Variants in LYVE1 observed in about 807,000 individuals in gnomAD.
LYVE1 encodes lymphatic vessel endothelial hyaluronan receptor 1, also known as lymphatic vessel endothelial hyaluronic acid receptor 1.
A neutral mutation model predicts 31.5 loss-of-function variants in LYVE1; 29 were observed. The observed-to-expected ratio is 0.92, with a 90% confidence interval of 0.69 to 1.26. The LOEUF is 1.26. Among genes scored for constraint, LYVE1 ranks in the 50% most tolerant of loss-of-function variants. The pLI is 0.00. For missense variants in LYVE1, 376 were observed against 380.2 expected (o/e 0.99, Z 0.09); for synonymous variants, 134 against 139.4 (o/e 0.96, Z 0.27).
At position 10,564,090 on chromosome 11, in the gene LYVE1, A is replaced by G; in HGVS notation, c.258-11T>C. On this transcript the variant is annotated splice_polypyrimidine_tract_variant and intron_variant, in intron 2 of 5. Coordinates refer to ENST00000256178, the MANE Select transcript of LYVE1 (RefSeq NM_006691.4). ...CCAACCCAGCCATAGCTGTAAAAGA[A>G]TACACACTAGTTGAACAGAAAAATG... is the stretch of plus-strand genomic sequence containing the variant. The G allele has an allele frequency of 6.2e-7, 1 of 1,614,222 alleles. No individual in the cohort carries two copies.
At chr11:10,566,108 C>A (rs1308160310) in intron 1 of LYVE1, among the ~76,000 whole-genome samples, 2 of 151,452 alleles carry the variant, frequency 1.3e-5, no homozygotes, top group Admixed American at 6.6e-5. Flanking sequence ...CTGTGCCTGG[C>A]CCTTTTTTTT....
intron 1 of LYVE1, among the ~76,000 whole-genome samples, chr11:10,564,637 C>A (rs1280545736): frequency 6.6e-6 from 1 of 152,188 alleles, no homozygotes; most frequent in African/African-American, 2.4e-5. Context: ...CCTTGCTCAC[C>A]ATATAGGGGC....
In LYVE1 at chr11:10,559,002, G is replaced by T; in HGVS notation, c.*109C>A. The stretch of plus-strand genomic sequence containing the variant: ...GAGCTGATTCCAGTTAGGAACCAAG[G>T]GTGGACTTTCTTCTTTGGTTCTTTG... On this transcript the variant is annotated 3_prime_UTR_variant, in exon 6 of 6. Transcript: ENST00000256178. The T allele has an allele frequency of 1.0e-6, 1 of 999,618 alleles. No individual in the cohort carries two copies. Among genetic ancestry groups the T allele is most frequent in the Non-Finnish European group, 1.5e-6 (1 of 664,098 alleles). 61.9% of individuals were successfully genotyped at this position (999,618 alleles called of 1,614,324 possible). A position where few individuals can be genotyped will look rare whatever the true frequency, so the allele number is the denominator to read the frequency against.
Position 10,557,131 on chromosome 11 carries a change from C to G in LYVE1, c.*1980G>C, listed in dbSNP as rs1439867089. On this transcript the variant is annotated 3_prime_UTR_variant, in exon 6 of 6. Transcript: ENST00000256178. ...AGGTGATATATATGAGGGACGTGGGCTGGGTGTGAAGAAAAGGCCACAGTG... is the reference window on the plus strand; with the variant it reads ...AGGTGATATATATGAGGGACGTGGGGTGGGTGTGAAGAAAAGGCCACAGTG... The G allele has an allele frequency of 6.6e-6, 1 of 152,020 alleles. No individual in the cohort carries two copies. The highest frequency in any genetic ancestry group is 1.5e-5 in the Non-Finnish European group (1 of 68,028). 9.4% of individuals were successfully genotyped at this position (152,020 alleles called of 1,614,324 possible).
intron 4 of LYVE1, 25 bp from the exon 5 acceptor site, chr11:10,559,919 G>A (rs1389444842): frequency 8.4e-6 from 13 of 1,542,390 alleles, no homozygotes; most frequent in Non-Finnish European, 1.2e-5. Flanking sequence ...GACAAGGCCT[G>A]TTGGTCCTTC....
chr11:10,557,630 T>C lies in LYVE1; in HGVS notation c.*1481A>G, dbSNP rs1156504257. On this transcript the variant is annotated 3_prime_UTR_variant, in exon 6 of 6. Transcript: ENST00000256178. ...TGGTGAATTCTGAAATGGATGGAAATGGAGGGCCAGCATCTCTAGTAAAGG... is the reference window on the plus strand; with the variant it reads ...TGGTGAATTCTGAAATGGATGGAAACGGAGGGCCAGCATCTCTAGTAAAGG... 1 of 152,164 alleles carries C rather than the reference T, an allele frequency of 6.6e-6. No homozygotes were observed. The allele number at this position is 152,164 out of a possible 1,614,324, so 9.4% of individuals were successfully genotyped here. A position where few individuals can be genotyped will look rare whatever the true frequency, so the allele number is the denominator to read the frequency against.
chr11:10,559,773 C>G (rs1375447933), intron 5 of LYVE1, 43 bp downstream of exon 5: 1 of 1,567,852 alleles, frequency 6.4e-7, no homozygotes, highest in African/African-American at 1.4e-5. Flanking sequence ...AGGATAGAAA[C>G]ATGACAAAGA....
At position 10,558,879 on chromosome 11, in the gene LYVE1, G is replaced by A. The variant is rs965423708; in HGVS notation, c.*232C>T. On this transcript the variant is annotated 3_prime_UTR_variant, in exon 6 of 6. Coordinates refer to ENST00000256178, the MANE Select transcript of LYVE1 (RefSeq NM_006691.4). Reference sequence around the variant, plus strand: ...AGGACATAGCCAGGCTAGAAAGGCCGTGGGAAGCTTTGGAGGTAGGAGGAT... The same window carrying A: ...AGGACATAGCCAGGCTAGAAAGGCCATGGGAAGCTTTGGAGGTAGGAGGAT... The A allele has an allele frequency of 2.1e-5, 10 of 473,114 alleles. No individual in the cohort carries two copies. The highest frequency in any genetic ancestry group is 4.9e-5 in the South Asian group (1 of 20,312). 29.3% of individuals were successfully genotyped at this position (473,114 alleles called of 1,614,324 possible).
chr11:10,560,506 G>A lies in LYVE1; in HGVS notation c.692C>T (p.Ala231Val). Residue 231 changes from alanine to valine, a missense_variant, in exon 4 of 6, where the codon GCT becomes GTT. Physicochemically the swap from Ala to Val is moderately conservative, Grantham distance 64. Coordinates refer to ENST00000256178, the MANE Select transcript of LYVE1 (RefSeq NM_006691.4). ...ENKAAFKNEA[A>V]GFGGVPTALL... is the part of the protein sequence containing the mutation. ...CAGAAACCATTTACCTCCAAACCCA[G>A]CAGCTTCATTCTTGAATGCTGCTTT... 3 of 1,606,470 alleles carry A rather than the reference G, an allele frequency of 1.9e-6. No homozygotes were observed. In the South Asian group the frequency reaches 3.3e-5, roughly 18 times the overall value.
At position 10,564,090 on chromosome 11, in the gene LYVE1, A is replaced by C. The variant is rs1288018991; in HGVS notation, c.258-11T>G. Reference sequence around the variant, plus strand: ...CCAACCCAGCCATAGCTGTAAAAGAATACACACTAGTTGAACAGAAAAATG... The same window carrying C: ...CCAACCCAGCCATAGCTGTAAAAGACTACACACTAGTTGAACAGAAAAATG... On this transcript the variant is annotated splice_polypyrimidine_tract_variant and intron_variant, in intron 2 of 5. Transcript: ENST00000256178. The C allele has an allele frequency of 6.2e-7, 1 of 1,614,104 alleles. No homozygotes were observed. The highest frequency in any genetic ancestry group is 2.2e-5 in the East Asian group (1 of 44,898).
intron 1 of LYVE1, among the ~76,000 whole-genome samples, chr11:10,567,871 A>T (rs190743050): frequency 0.012 from 1,784 of 152,340 alleles, 18 homozygotes; most frequent in Non-Finnish European, 0.018. Context: ...ATCAAAATTA[A>T]AATAATTATG....
rs1254171376 is a variant in LYVE1, at chr11:10,568,607, T to G, written c.-75A>C. ...ATATGAGAGGCAGATGCTCAATAACTAGTCCGGATGGAGAGTTCTGGAACT... is the reference window on the plus strand; with the variant it reads ...ATATGAGAGGCAGATGCTCAATAACGAGTCCGGATGGAGAGTTCTGGAACT... On this transcript the variant is annotated 5_prime_UTR_variant, in exon 1 of 6. It removes the in-frame stop codon of an upstream open reading frame in the 5' UTR. Coordinates refer to ENST00000256178, the MANE Select transcript of LYVE1 (RefSeq NM_006691.4). 6.5e-7 allele frequency: 1 copy of G among 1,539,944 alleles called. No individual in the cohort carries two copies. The highest frequency in any genetic ancestry group is 1.4e-5 in the African/African-American group (1 of 73,088).
Position 10,560,639 on chromosome 11 carries a change from CAGG to C in LYVE1, c.556_558del (p.Pro186del), listed in dbSNP as rs371513120. 5.6e-5 allele frequency: 91 copies of C among 1,614,056 alleles called. No homozygotes were observed. The African/African-American group carries it at 9.1e-4, about 16-fold the overall frequency. Reference sequence around the variant, plus strand: ...CGTGGAATAGAAGTGGAAGCTGGAGCAGGAGGAGTAGTAGTAGGGGCAGGTATT... The same window carrying C: ...CGTGGAATAGAAGTGGAAGCTGGAGCAGGAGTAGTAGTAGGGGCAGGTATT... On this transcript the variant is annotated inframe_deletion, in exon 4 of 6. Transcript: ENST00000256178.
At chr11:10,565,583 G>C (rs1030177003) in intron 1 of LYVE1, among the ~76,000 whole-genome samples, 3 of 152,180 alleles carry the variant, frequency 2.0e-5, no homozygotes, top group Non-Finnish European at 4.4e-5. Flanking sequence ...GCATTTCTAA[G>C]TCCTCCATAT....
chr11:10,564,434 T>C lies in LYVE1; in HGVS notation c.86-60A>G, dbSNP rs148639292. ...CTGTCCTTGTTTCCAGCCCTTAGAC[T>C]CTCCTTCCCAGCAGAGTATATCGTC... On this transcript the variant is annotated intron_variant, in intron 1 of 5. Transcript: ENST00000256178. 4,320 of 1,511,680 alleles carry C rather than the reference T, an allele frequency of 2.9e-3. 14 individuals carry two copies. The highest frequency in any genetic ancestry group is 8.1e-3 in the South Asian group (711 of 87,384). The allele number at this position is 1,511,680 out of a possible 1,614,324, so 93.6% of individuals were successfully genotyped here. A position where few individuals can be genotyped will look rare whatever the true frequency, so the allele number is the denominator to read the frequency against.
chr11:10,567,613 A>T (rs1354477204), intron 1 of LYVE1, among the ~76,000 whole-genome samples: 1 of 152,184 alleles, frequency 6.6e-6, no homozygotes, highest in Non-Finnish European at 1.5e-5. Context: ...TTTCCTATTA[A>T]AGTGCTCAGA....
In LYVE1 at chr11:10,557,325, C is replaced by T. The variant is rs1010749043; in HGVS notation, c.*1786G>A. On this transcript the variant is annotated 3_prime_UTR_variant, in exon 6 of 6. Coordinates refer to ENST00000256178, the MANE Select transcript of LYVE1 (RefSeq NM_006691.4). ...GAACATGGGTTCTTTACTTCCAGAT[C>T]TTTCCATTTTTAGAGGGAACCCAGA... is the stretch of plus-strand genomic sequence containing the variant. 6.6e-6 allele frequency: 1 copy of T among 152,176 alleles called. No individual in the cohort carries two copies. Among genetic ancestry groups the T allele is most frequent in the African/African-American group, 2.4e-5 (1 of 41,438 alleles). The allele number at this position is 152,176 out of a possible 1,614,324, so 9.4% of individuals were successfully genotyped here. A position where few individuals can be genotyped will look rare whatever the true frequency, so the allele number is the denominator to read the frequency against.
In LYVE1 at chr11:10,564,076, A is replaced by G. The variant is rs767917570; in HGVS notation, c.261T>C (p.Tyr87=). ...ALKASFETCS[Y]GWVGDGFVVI... is the part of the protein sequence containing the mutation. Reference sequence around the variant, plus strand: ...CCACGAATCCATCTCCAACCCAGCCATAGCTGTAAAAGAATACACACTAGT... The same window carrying G: ...CCACGAATCCATCTCCAACCCAGCCGTAGCTGTAAAAGAATACACACTAGT... Residue 87 remains tyrosine, a synonymous_variant, in exon 3 of 6, where the codon TAT becomes TAC. Transcript: ENST00000256178. The G allele has an allele frequency of 6.2e-7, 1 of 1,614,238 alleles. No individual in the cohort carries two copies. The highest frequency in any genetic ancestry group is 8.5e-7 in the Non-Finnish European group (1 of 1,180,040).
At chr11:10,564,486 TGGGACTG>T in intron 1 of LYVE1, 112 bp from the exon 2 acceptor site, 1 of 970,860 alleles carries the variant, frequency 1.0e-6, no homozygotes, top group Non-Finnish European at 1.5e-6. Context: ...TCTATCTGGC[TGGGACTG>T]GGGTTTAGAA....
Sources: gnomAD v4.1 joint callset for allele counts (sites outside exome capture counted in the v4.1 genomes callset) on GRCh38, gnomAD v4.1.1 for gene constraint, MANE v1.5 for transcripts, NCBI Gene and HGNC (gene_info 2026-07-23, HGNC 2026-07-21) for gene names.